The following LHFPL3 variants were observed in gnomAD, a reference collection of about 807,000 sequenced individuals.
LHFPL3 encodes the protein LHFPL tetraspan subfamily member 3 protein.
LHFPL3 carries 5 observed loss-of-function variants against 19.3 expected under a neutral mutation model. The ratio of observed to expected loss-of-function variants is 0.26; its 90% CI spans 0.14 to 0.54. LHFPL3 has a LOEUF of 0.54. Among genes scored for constraint, LHFPL3 ranks in the 20% least tolerant of loss-of-function variants. The probability of loss-of-function intolerance (pLI) is 0.94; values close to 1 mark genes in which losing one functional copy is unlikely to be tolerated. For missense variants in LHFPL3, 249 were observed against 307.4 expected, an observed-to-expected ratio of 0.81 and a Z score of 1.42; for synonymous variants, 133 against 126.2, an observed-to-expected ratio of 1.05 and a Z score of -0.36.
At chr7:104,689,194 A>G (rs868555759) in intron 1 of LHFPL3, among the ~76,000 whole-genome samples, 5 of 152,182 alleles carry the variant, frequency 3.3e-5, no homozygotes, top group African/African-American at 4.8e-5. Context: ...CACTCACTCA[A>G]TTAGAAAATT....
chr7:104,522,239 G>A lies in LHFPL3; in HGVS notation c.445+193015G>A, dbSNP rs192202268. Among the ~76,000 whole-genome samples the A allele has an allele frequency of 2.0e-3, 297 of 152,168 alleles. 1 individual carries two copies. The highest frequency in any genetic ancestry group is 7.0e-3 in the African/African-American group (291 of 41,510). ...TTGGCGAGTTCATGTCCTTTGTAGG[G>A]ACATGGATGAAATTGGAAATCATCA... On this transcript the variant is annotated intron_variant, in intron 1 of 2. Coordinates refer to ENST00000424859, the MANE Select transcript of LHFPL3 (RefSeq NM_199000.3).
intron 2 of LHFPL3, among the ~76,000 whole-genome samples, chr7:104,824,324 T>A (rs1386577258): frequency 3.9e-5 from 1 of 25,760 alleles, no homozygotes; most frequent in Non-Finnish European, 6.5e-5. Context: ...TATATATTAT[T>A]TTATATATAA....
At chr7:104,588,676 G>C (rs990344743) in intron 1 of LHFPL3, among the ~76,000 whole-genome samples, 11 of 152,098 alleles carry the variant, frequency 7.2e-5, no homozygotes, top group Admixed American at 2.6e-4. Context: ...AGCTTGATGG[G>C]GATGGCATTG....
chr7:104,795,684 G>C (rs1790109522), intron 2 of LHFPL3, among the ~76,000 whole-genome samples: 2 of 152,166 alleles, frequency 1.3e-5, no homozygotes, highest in South Asian at 4.1e-4. Context: ...GTCTTCTGTG[G>C]TATAAATCAG....
rs556417488 is a variant in LHFPL3 at position 104,440,066 on chromosome 7, T to C, written c.445+110842T>C. On this transcript the variant is annotated intron_variant, in intron 1 of 2. Transcript: ENST00000424859. ...GGGGGAGGGATAGCATTAGGAGATATACCCAATGCTAAATGATGAGTTAAT... is the reference window on the plus strand; with the variant it reads ...GGGGGAGGGATAGCATTAGGAGATACACCCAATGCTAAATGATGAGTTAAT... Among the ~76,000 whole-genome samples, 247 of 148,572 alleles carry C rather than the reference T, an allele frequency of 1.7e-3. 1 individual carries two copies. The highest frequency in any genetic ancestry group is 5.8e-3 in the African/African-American group (235 of 40,466).
intron 1 of LHFPL3, among the ~76,000 whole-genome samples, chr7:104,666,764 C>T (rs953675361): frequency 4.0e-5 from 6 of 151,690 alleles, no homozygotes; most frequent in Admixed American, 6.6e-5. Flanking sequence ...CCTCGTGATC[C>T]GCCCGCCTCG....
rs1288496303 is a variant in LHFPL3 at position 104,392,447 on chromosome 7, G to A, written c.445+63223G>A. 3.0e-3 allele frequency among the ~76,000 whole-genome samples: 449 copies of A among 151,918 alleles called. 1 individual carries two copies. The highest frequency in any genetic ancestry group is 0.01 in the African/African-American group (424 of 41,492). On this transcript the variant is annotated intron_variant, in intron 1 of 2. Coordinates refer to ENST00000424859, the MANE Select transcript of LHFPL3 (RefSeq NM_199000.3). ...TTTCTGCATCTATTGAGATAATCAT[G>A]TGGTTTTTGTCTTTGGTTCTGTTTA...
intron 1 of LHFPL3, among the ~76,000 whole-genome samples, chr7:104,444,990 A>AG (rs1223045875): frequency 2.4e-4 from 24 of 98,628 alleles, no homozygotes; most frequent in African/African-American, 8.7e-4. Flanking sequence ...CTCCGTCTCC[A>AG]AAAAAAAAAA....
intron 1 of LHFPL3, among the ~76,000 whole-genome samples, chr7:104,472,844 G>T (rs370627837): frequency 6.6e-6 from 1 of 151,898 alleles, no homozygotes; most frequent in East Asian, 1.9e-4. Flanking sequence ...CTGTTTTTAT[G>T]ACTCTGTCTT....
chr7:104,848,980 T>C (rs1001209080), intron 2 of LHFPL3, among the ~76,000 whole-genome samples: 1 of 151,672 alleles, frequency 6.6e-6, no homozygotes, highest in Middle Eastern at 3.2e-3. Flanking sequence ...CAGGCTGGAG[T>C]GCAGTGGCGT....
intron 1 of LHFPL3, among the ~76,000 whole-genome samples, chr7:104,594,676 A>G (rs573478780): frequency 6.6e-5 from 10 of 152,240 alleles, no homozygotes; most frequent in East Asian, 5.8e-4. Context: ...AGGTACACCA[A>G]TCGAACGTAG....
At chr7:104,462,738 CT>C (rs1413990098) in intron 1 of LHFPL3, among the ~76,000 whole-genome samples, 2 of 152,134 alleles carry the variant, frequency 1.3e-5, no homozygotes, top group African/African-American at 2.4e-5. Flanking sequence ...TGATATCAGG[CT>C]GATGCTGGCT....
At chr7:104,337,001 A>G (rs1789822917) in intron 1 of LHFPL3, among the ~76,000 whole-genome samples, 1 of 152,138 alleles carries the variant, frequency 6.6e-6, no homozygotes, top group Non-Finnish European at 1.5e-5. Flanking sequence ...TAGCTTTAGT[A>G]CAGAATGCAT....
chr7:104,595,390 T>G (rs1356604169), intron 1 of LHFPL3, among the ~76,000 whole-genome samples: 1 of 152,212 alleles, frequency 6.6e-6, no homozygotes, highest in Non-Finnish European at 1.5e-5. Context: ...ACAGCAAATA[T>G]TACAGAACAG....
chr7:104,612,768 C>T lies in LHFPL3; in HGVS notation c.446-123907C>T, dbSNP rs185363677. Among the ~76,000 whole-genome samples, 287 of 152,296 alleles carry T rather than the reference C, an allele frequency of 1.9e-3. 1 individual carries two copies. Among genetic ancestry groups the T allele is most frequent in the Admixed American group, 2.0e-3 (30 of 15,290 alleles). On this transcript the variant is annotated intron_variant, in intron 1 of 2. Coordinates refer to ENST00000424859, the MANE Select transcript of LHFPL3 (RefSeq NM_199000.3). Reference sequence around the variant, plus strand: ...TGTGAAGGACGATGACACTACTTTGCTTAGAGGGACTGACATTTCATTTCC... The same window carrying T: ...TGTGAAGGACGATGACACTACTTTGTTTAGAGGGACTGACATTTCATTTCC...
intron 2 of LHFPL3, among the ~76,000 whole-genome samples, chr7:104,903,824 G>T (rs1246610607): frequency 6.6e-6 from 1 of 152,080 alleles, no homozygotes; most frequent in East Asian, 1.9e-4. Flanking sequence ...TCTTTATCCA[G>T]TCCACTACTA....
At chr7:104,407,660 G>T (rs1257498964) in intron 1 of LHFPL3, among the ~76,000 whole-genome samples, 1 of 152,044 alleles carries the variant, frequency 6.6e-6, no homozygotes, top group African/African-American at 2.4e-5. Flanking sequence ...CTGTCTCAGG[G>T]AATAAAAAAA....
At chr7:104,766,551 T>A (rs74668270) in intron 2 of LHFPL3, among the ~76,000 whole-genome samples, 42 of 152,298 alleles carry the variant, frequency 2.8e-4, no homozygotes, top group African/African-American at 9.6e-4. Flanking sequence ...GCCAAGCCCA[T>A]GAAATTACTG....
intron 1 of LHFPL3, among the ~76,000 whole-genome samples, chr7:104,614,631 C>T (rs1562950378): frequency 6.8e-6 from 1 of 147,344 alleles, no homozygotes; most frequent in East Asian, 2.0e-4. Context: ...CTCTTCTCTT[C>T]TCTTCTCTTC....
Sources: gnomAD v4.1 joint callset for allele counts (sites outside exome capture counted in the v4.1 genomes callset) on GRCh38, gnomAD v4.1.1 for gene constraint, MANE v1.5 for transcripts, NCBI Gene and HGNC (gene_info 2026-07-23, HGNC 2026-07-21) for gene names.